Variants in ZNF827 observed in about 807,000 individuals in gnomAD.
ZNF827 encodes zinc finger protein 827.
Under a neutral mutation model 102.4 loss-of-function variants are expected in ZNF827, and 13 were observed. The observed-to-expected ratio is 0.13, with a 90% confidence interval of 0.08 to 0.20. ZNF827 has a LOEUF of 0.20. Ranked by LOEUF, ZNF827 falls within the 10% of genes least tolerant of loss-of-function variation. ZNF827 has a pLI of 1.00. For synonymous variants in ZNF827, 523 were observed against 536.2 expected (o/e 0.98, Z 0.34); for missense variants, 1,103 against 1,344.4 (o/e 0.82, Z 2.81).
At chr4:145,868,151 C>G (rs1186440941) in intron 5 of ZNF827, among the ~76,000 whole-genome samples, 1 of 152,142 alleles carries the variant, frequency 6.6e-6, no homozygotes, top group Non-Finnish European at 1.5e-5. Flanking sequence ...AGTCACATGC[C>G]TATTGTTATG....
chr4:145,903,549 C>G (rs1391572212), intron 1 of ZNF827, among the ~76,000 whole-genome samples: 1 of 152,150 alleles, frequency 6.6e-6, no homozygotes, highest in African/African-American at 2.4e-5. Context: ...AAGCCTATAT[C>G]CTTGTGAAAA....
intron 8 of ZNF827, among the ~76,000 whole-genome samples, chr4:145,783,158 T>G (rs1176352690): frequency 2.6e-5 from 4 of 152,176 alleles, no homozygotes; most frequent in Non-Finnish European, 5.9e-5. Flanking sequence ...TGGCCTCCCT[T>G]CCCTGGGGTA....
At position 145,762,550 on chromosome 4, in the gene ZNF827, A is replaced by G. The variant is rs1047555479; in HGVS notation, c.*17+540T>C. ...GGTTCATTATTTGAGTGGTCTCTAC[A>G]GGCAATTTAGGTAGATTCTGGAAGG... On this transcript the variant is annotated intron_variant, in intron 14 of 14. Transcript: ENST00000508784. The surrounding 1 kb of genome is among the most constrained non-coding windows in gnomAD (Gnocchi z 4.9). Among the ~76,000 whole-genome samples, 1 of 152,142 alleles carries G rather than the reference A, an allele frequency of 6.6e-6. No individual in the cohort carries two copies. Among genetic ancestry groups the G allele is most frequent in the Non-Finnish European group, 1.5e-5 (1 of 68,014 alleles).
chr4:145,923,857 C>T (rs1453964832), intron 1 of ZNF827, among the ~76,000 whole-genome samples: 3 of 152,158 alleles, frequency 2.0e-5, no homozygotes, highest in Non-Finnish European at 4.4e-5. Flanking sequence ...TGCATACGCA[C>T]AAAAGGTTTT....
chr4:145,848,567 T>C (rs1746206043), intron 6 of ZNF827, among the ~76,000 whole-genome samples: 1 of 152,172 alleles, frequency 6.6e-6, no homozygotes, highest in African/African-American at 2.4e-5. Context: ...GACAAGGTAT[T>C]TGTATGTATT....
At chr4:145,870,544 A>G in intron 4 of ZNF827, 66 bp from the exon 5 acceptor site, 2 of 1,382,842 alleles carry the variant, frequency 1.4e-6, no homozygotes, top group African/African-American at 1.4e-5. Flanking sequence ...CTGCCCTGGT[A>G]CTTCACGAAG....
rs377145682 is a variant in ZNF827, at chr4:145,934,898, CT to C, written c.43+3466del. 2.2e-3 allele frequency among the ~76,000 whole-genome samples: 342 copies of C among 152,300 alleles called. 4 individuals are homozygous for C. Among genetic ancestry groups the C allele is most frequent in the African/African-American group, 7.8e-3 (325 of 41,564 alleles). ...CTATAGATTCAGTTTTCATAAGTTC[CT>C]TTTTTGTATTCTAATTTGCACTTCT... On this transcript the variant is annotated intron_variant, in intron 1 of 14. Coordinates refer to ENST00000508784, the MANE Select transcript of ZNF827 (RefSeq NM_001306215.2).
chr4:145,802,865 T>C (rs939132127), intron 8 of ZNF827, among the ~76,000 whole-genome samples: 43 of 152,214 alleles, frequency 2.8e-4, no homozygotes, highest in Admixed American at 2.4e-3. Context: ...ACTTGAGCCT[T>C]GGAGATTGAG....
At chr4:145,768,988 G>A (rs1183496980) in intron 11 of ZNF827, among the ~76,000 whole-genome samples, 1 of 137,584 alleles carries the variant, frequency 7.3e-6, no homozygotes, top group Non-Finnish European at 1.5e-5. Flanking sequence ...TTGGTGTCAT[G>A]TTTGTTTACT....
intron 8 of ZNF827, among the ~76,000 whole-genome samples, chr4:145,819,578 TAAATA>T (rs1210345687): frequency 6.6e-6 from 1 of 152,230 alleles, no homozygotes; most frequent in South Asian, 2.1e-4. Context: ...AACTATAAAT[TAAATA>T]AAGTACATTA....
At chr4:145,875,317 GA>G (rs1385144426) in intron 4 of ZNF827, among the ~76,000 whole-genome samples, 1 of 152,120 alleles carries the variant, frequency 6.6e-6, no homozygotes, top group African/African-American at 2.4e-5. Context: ...AAAAGGTTAA[GA>G]AACTGATGCC....
intron 11 of ZNF827, among the ~76,000 whole-genome samples, chr4:145,771,397 T>C (rs1187722161): frequency 6.6e-6 from 1 of 152,244 alleles, no homozygotes; most frequent in African/African-American, 2.4e-5. Flanking sequence ...ATAGGGATTC[T>C]GTAAGTTATC....
At chr4:145,842,792 C>G (rs1745543375) in intron 7 of ZNF827, among the ~76,000 whole-genome samples, 1 of 152,170 alleles carries the variant, frequency 6.6e-6, no homozygotes, top group African/African-American at 2.4e-5. Flanking sequence ...TAGCTATTCT[C>G]AAAGTGCGAA....
At chr4:145,796,692 C>A (rs997886045) in intron 8 of ZNF827, among the ~76,000 whole-genome samples, 1 of 145,660 alleles carries the variant, frequency 6.9e-6, no homozygotes, top group South Asian at 2.1e-4. Context: ...TGCAGTGGCA[C>A]GATCTCAGCT....
At chr4:145,876,749 G>A (rs1264955262) in intron 4 of ZNF827, 1 of 152,292 alleles carries the variant, frequency 6.6e-6, no homozygotes, top group South Asian at 2.1e-4. Context: ...AGGGCATATT[G>A]TGAGTTCTGG....
intron 11 of ZNF827, among the ~76,000 whole-genome samples, chr4:145,768,258 G>A (rs775059941): frequency 8.5e-5 from 13 of 152,076 alleles, no homozygotes; most frequent in South Asian, 2.1e-4. Context: ...TCCACCTCCC[G>A]GGTTCAAGCA....
At chr4:145,845,343 T>C (rs1745825742) in intron 7 of ZNF827, among the ~76,000 whole-genome samples, 1 of 152,242 alleles carries the variant, frequency 6.6e-6, no homozygotes, top group Non-Finnish European at 1.5e-5. Context: ...CAGCCCACAC[T>C]GGCTAACCTC....
At chr4:145,888,016 A>C (rs10000888) in intron 3 of ZNF827, among the ~76,000 whole-genome samples, 1 of 152,014 alleles carries the variant, frequency 6.6e-6, no homozygotes, top group African/African-American at 2.4e-5. Context: ...GACAGAGCAC[A>C]AGCCCAAGTT....
chr4:145,791,516 G>T (rs1270007116), intron 8 of ZNF827, among the ~76,000 whole-genome samples: 1 of 152,114 alleles, frequency 6.6e-6, no homozygotes, highest in East Asian at 1.9e-4. Flanking sequence ...ATAATGATTG[G>T]CAGCACTGAT....
Sources: gnomAD v4.1 joint callset for allele counts (sites outside exome capture counted in the v4.1 genomes callset) on GRCh38, gnomAD v4.1.1 for gene constraint, Gnocchi (gnomAD v3.1) non-coding constraint, MANE v1.5 for transcripts, NCBI Gene and HGNC (gene_info 2026-07-23, HGNC 2026-07-21) for gene names.